The following CAST variants were observed in gnomAD, a reference collection of about 807,000 sequenced individuals.
CAST encodes the protein MIR583 host.
In CAST, 76 loss-of-function variants were observed where a neutral mutation model predicts 119.6. The observed-to-expected ratio is 0.64, with a 90% confidence interval of 0.53 to 0.77. CAST has a LOEUF of 0.77. Ranked by LOEUF, CAST falls within the 30% of genes least tolerant of loss-of-function variation. CAST has a pLI of 0.00. For synonymous variants in CAST, 319 were observed against 331.6 expected (o/e 0.96, Z 0.41); for missense variants, 953 against 946.5 (o/e 1.01, Z -0.09).
At chr5:96,283,129 C>CAAAAAAAAA in the CAST span, among the ~76,000 whole-genome samples, 6 of 24,294 alleles carry the variant, frequency 2.5e-4, 1 homozygote, top group South Asian at 1.0e-3. Flanking sequence ...GACTCCGTCT[C>CAAAAAAAAA]AAAAAAAAAA....
rs1773080098 is a variant in CAST, at chr5:96,773,181, G to T, written c.*565G>T. 1.3e-5 allele frequency: 2 copies of T among 153,642 alleles called. No homozygotes were observed. Among genetic ancestry groups the T allele is most frequent in the South Asian group, 2.1e-4 (1 of 4,820 alleles). The allele number at this position is 153,642 out of a possible 1,614,324, so 9.5% of individuals were successfully genotyped here. On this transcript the variant is annotated 3_prime_UTR_variant, in exon 32 of 32. Transcript: ENST00000675179. ...GTACATTGGGCACATATCTCCTCTTGGGCTGCTAATAATAAATTAATAACA... is the reference window on the plus strand; with the variant it reads ...GTACATTGGGCACATATCTCCTCTTTGGCTGCTAATAATAAATTAATAACA...
the CAST span, among the ~76,000 whole-genome samples, chr5:96,283,703 G>C: frequency 6.6e-6 from 1 of 152,170 alleles, no homozygotes; most frequent in Non-Finnish European, 1.5e-5. Flanking sequence ...GCTCCCATTT[G>C]TTTTATGTGC....
chr5:96,748,487 C>G, intron 18 of CAST, 31 bp from the exon 19 acceptor site: 1 of 1,078,942 alleles, frequency 9.3e-7, no homozygotes, highest in South Asian at 1.5e-5. Context: ...AAAGAGTCCC[C>G]TTGTAATATA....
At chr5:96,584,790 G>A (rs1486819304) in intron 1 of CAST, 1 of 152,226 alleles carries the variant, frequency 6.6e-6, no homozygotes, top group Non-Finnish European at 1.5e-5. Context: ...TGTTTCTGTG[G>A]GTGTATGAGG....
At chr5:96,356,450 GT>G in the CAST span, among the ~76,000 whole-genome samples, 15 of 152,198 alleles carry the variant, frequency 9.9e-5, no homozygotes, top group East Asian at 2.9e-3. Flanking sequence ...TTTATTTTAG[GT>G]TTTTATGGTT....
At chr5:96,404,810 T>C in the CAST span, among the ~76,000 whole-genome samples, 94 of 152,342 alleles carry the variant, frequency 6.2e-4, 1 homozygote, top group Admixed American at 2.7e-3. Flanking sequence ...CCTTATTTTT[T>C]CCCATTTATA....
At chr5:96,465,503 G>A in the CAST span, among the ~76,000 whole-genome samples, 22 of 152,002 alleles carry the variant, frequency 1.4e-4, no homozygotes, top group South Asian at 2.1e-4. Context: ...TTTTTTATTC[G>A]CCAAATTCTT....
At chr5:96,182,049 C>A in the CAST span, among the ~76,000 whole-genome samples, 1 of 152,296 alleles carries the variant, frequency 6.6e-6, no homozygotes, top group South Asian at 2.1e-4. Context: ...ATAAAATACT[C>A]ATGATTTAAA....
At chr5:96,535,304 T>C (rs1745789981) in intron 1 of CAST, among the ~76,000 whole-genome samples, 1 of 152,214 alleles carries the variant, frequency 6.6e-6, no homozygotes, top group African/African-American at 2.4e-5. Flanking sequence ...CAGCGAATAC[T>C]GAAAGCATAA....
chr5:96,397,509 C>G, the CAST span: 1 of 1,541,884 alleles, frequency 6.5e-7, no homozygotes, highest in African/African-American at 1.4e-5. Flanking sequence ...CCTAATAGCT[C>G]TGATAGTAGG....
the CAST span, among the ~76,000 whole-genome samples, chr5:96,281,154 G>C: frequency 1.7e-3 from 266 of 152,260 alleles, 3 homozygotes; most frequent in South Asian, 7.1e-3. Context: ...GCATTATTGA[G>C]AGCAATACTT....
At chr5:96,344,361 G>GT in the CAST span, among the ~76,000 whole-genome samples, 18 of 151,950 alleles carry the variant, frequency 1.2e-4, 1 homozygote, top group South Asian at 2.1e-3. Flanking sequence ...TCCAAATATG[G>GT]TTTTTTTTCT....
the CAST span, among the ~76,000 whole-genome samples, chr5:96,515,125 C>A: frequency 6.6e-6 from 1 of 152,136 alleles, no homozygotes; most frequent in South Asian, 2.1e-4. Context: ...AATACCCAAT[C>A]TTCTCTTTTC....
chr5:96,336,887 C>G, the CAST span, among the ~76,000 whole-genome samples: 1 of 152,112 alleles, frequency 6.6e-6, no homozygotes, highest in Non-Finnish European at 1.5e-5. Flanking sequence ...GAAGATCACA[C>G]TTCAAAACTG....
intron 1 of CAST, among the ~76,000 whole-genome samples, chr5:96,614,557 G>T (rs1466376772): frequency 6.6e-6 from 1 of 152,162 alleles, no homozygotes; most frequent in Non-Finnish European, 1.5e-5. Context: ...TTTGGCAGGG[G>T]ATTAGAAGAG....
At chr5:96,759,936 A>G (rs1373389890) in intron 24 of CAST, among the ~76,000 whole-genome samples, 2 of 152,058 alleles carry the variant, frequency 1.3e-5, no homozygotes, top group Admixed American at 6.5e-5. Context: ...ACTATGTACA[A>G]CAATTTTCTA....
intron 1 of CAST, among the ~76,000 whole-genome samples, chr5:96,603,328 C>T (rs1263306670): frequency 6.6e-6 from 1 of 152,154 alleles, no homozygotes; most frequent in Non-Finnish European, 1.5e-5. Context: ...ATGCATCGTT[C>T]AGCTGTACAA....
At chr5:96,715,318 A>G (rs1213379820) in intron 3 of CAST, among the ~76,000 whole-genome samples, 1 of 152,178 alleles carries the variant, frequency 6.6e-6, no homozygotes, top group Non-Finnish European at 1.5e-5. Flanking sequence ...GTCTTGTGCA[A>G]GCTGTTTTGC....
At position 96,741,296 on chromosome 5, in the gene CAST, G is replaced by A. The variant is rs368744741; in HGVS notation, c.949G>A (p.Ala317Thr). ...KPIGPDDAIDALSSDFTCGSP... is the reference protein window; with the variant it reads ...KPIGPDDAIDTLSSDFTCGSP... ...CATAGGGCCAGATGATGCTATAGAC[G>A]CCTTGTCATCTGACTTCACCTGTGG... The change falls in exon 14 of 32, where the codon GCC becomes ACC. Residue 317 changes from alanine to threonine, a missense_variant. Ala to Thr is a moderately conservative substitution (Grantham distance 58). Transcript: ENST00000675179. 9 of 1,612,746 alleles carry A rather than the reference G, an allele frequency of 5.6e-6. No individual in the cohort carries two copies. Among genetic ancestry groups the A allele is most frequent in the East Asian group, 2.2e-5 (1 of 44,868 alleles).
Sources: allele counts gnomAD v4.1 joint callset (sites outside exome capture counted in the v4.1 genomes callset), GRCh38; gene constraint gnomAD v4.1.1; transcripts MANE v1.5; gene names NCBI Gene and HGNC (gene_info 2026-07-23, HGNC 2026-07-21).